ADK: variants seen among roughly 807,000 people sequenced by gnomAD.
ADK encodes N6,N6-dimethyladenosine kinase.
ADK carries 24 observed loss-of-function variants against 44.7 expected under a neutral mutation model. That is an observed-to-expected ratio of 0.54 (90% CI 0.39 to 0.76). The LOEUF (loss-of-function observed/expected upper bound fraction) is 0.76, where lower values mean the gene tolerates loss of function less well. Among genes scored for constraint, ADK ranks in the 30% least tolerant of loss-of-function variants. The pLI is 0.00. For missense variants in ADK, 321 were observed against 425.1 expected (o/e 0.76, Z 2.15); for synonymous variants, 128 against 142.6 (o/e 0.90, Z 0.73).
At chr10:74,454,888 A>G (rs1326014330) in intron 6 of ADK, among the ~76,000 whole-genome samples, 1 of 152,118 alleles carries the variant, frequency 6.6e-6, no homozygotes, top group Non-Finnish European at 1.5e-5. Flanking sequence ...TCCTTTATAG[A>G]GAGGGTACCA....
At chr10:74,369,047 T>C (rs1158677126) in intron 4 of ADK, among the ~76,000 whole-genome samples, 4 of 152,244 alleles carry the variant, frequency 2.6e-5, no homozygotes, top group African/African-American at 9.6e-5. Flanking sequence ...AAGAGTCTAC[T>C]AATTCACTGT....
At chr10:74,327,291 T>C (rs1343839237) in intron 4 of ADK, among the ~76,000 whole-genome samples, 1 of 152,220 alleles carries the variant, frequency 6.6e-6, no homozygotes, top group East Asian at 1.9e-4. Context: ...TTAATTTCCA[T>C]GTATTTGTAG....
Position 74,708,603 on chromosome 10 carries a change from T to C in ADK, c.*158T>C, listed in dbSNP as rs1856688531. 5 of 760,146 alleles carry C rather than the reference T, an allele frequency of 6.6e-6. No homozygotes were observed. The highest frequency in any genetic ancestry group is 1.0e-5 in the Non-Finnish European group (5 of 490,808). The allele number at this position is 760,146 out of a possible 1,614,324, so 47.1% of individuals were successfully genotyped here. ...GGGTACAAGGGTATGGTAATGCTTG[T>C]AGAATCTTTATTATCTCAACAATCT... On this transcript the variant is annotated 3_prime_UTR_variant, in exon 11 of 11. Coordinates refer to ENST00000539909, the MANE Select transcript of ADK (RefSeq NM_006721.4).
intron 2 of ADK, among the ~76,000 whole-genome samples, chr10:74,218,200 G>A (rs1037951606): frequency 6.6e-5 from 10 of 152,310 alleles, no homozygotes; most frequent in Non-Finnish European, 1.0e-4. Context: ...GAAAGCCAAG[G>A]CCCGAGAACT....
intron 4 of ADK, among the ~76,000 whole-genome samples, chr10:74,346,005 G>A (rs751836441): frequency 6.6e-5 from 10 of 151,992 alleles, no homozygotes; most frequent in African/African-American, 9.7e-5. Flanking sequence ...AATGATTCTT[G>A]TGCCTCAGCC....
chr10:74,676,279 G>A lies in ADK; in HGVS notation c.964+6010G>A, dbSNP rs184269685. Among the ~76,000 whole-genome samples, 42 of 152,118 alleles carry A rather than the reference G, an allele frequency of 2.8e-4. 1 individual carries two copies. The highest frequency in any genetic ancestry group is 2.3e-3 in the East Asian group (12 of 5,168). ...CAAATAGCTAGAATTACAGGCATCC[G>A]CCATCACGCCTGGCTAATTTTTGTA... On this transcript the variant is annotated intron_variant, in intron 10 of 10. Coordinates refer to ENST00000539909, the MANE Select transcript of ADK (RefSeq NM_006721.4).
intron 9 of ADK, among the ~76,000 whole-genome samples, chr10:74,635,755 G>C (rs1300271629): frequency 1.3e-5 from 2 of 151,924 alleles, no homozygotes; most frequent in South Asian, 2.1e-4. Flanking sequence ...CTTCCAATTT[G>C]TACTCTTCTC....
intron 6 of ADK, among the ~76,000 whole-genome samples, chr10:74,430,363 C>A (rs1208831571): frequency 2.0e-5 from 3 of 152,186 alleles, no homozygotes; most frequent in Non-Finnish European, 4.4e-5. Context: ...CCACCCACTT[C>A]CCTCTGTTCA....
intron 6 of ADK, among the ~76,000 whole-genome samples, chr10:74,410,635 C>T (rs1844141799): frequency 6.6e-6 from 1 of 152,052 alleles, no homozygotes; most frequent in Admixed American, 6.5e-5. Context: ...GAGCCAAGAT[C>T]GCGCCACTAC....
rs145857313 is a variant in ADK at position 74,352,114 on chromosome 10, C to T, written c.273+37369C>T. Among the ~76,000 whole-genome samples the T allele has an allele frequency of 5.4e-3, 818 of 151,256 alleles. 8 individuals carry two copies. The highest frequency in any genetic ancestry group is 0.018 in the African/African-American group (759 of 41,268). On this transcript the variant is annotated intron_variant, in intron 4 of 10. Transcript: ENST00000539909. Reference sequence around the variant, plus strand: ...TGGAACCAAAAAGGAGCCTGTGTAGCTAAGACAATCCTAAGCAAAAATAAC... The same window carrying T: ...TGGAACCAAAAAGGAGCCTGTGTAGTTAAGACAATCCTAAGCAAAAATAAC...
chr10:74,269,359 C>T (rs1388037649), intron 3 of ADK, among the ~76,000 whole-genome samples: 1 of 152,104 alleles, frequency 6.6e-6, no homozygotes, highest in African/African-American at 2.4e-5. Context: ...CATTATTTGA[C>T]TTATGGCATA....
chr10:74,542,670 T>A (rs1236514378), intron 7 of ADK, among the ~76,000 whole-genome samples: 1 of 152,134 alleles, frequency 6.6e-6, no homozygotes, highest in Non-Finnish European at 1.5e-5. Flanking sequence ...CTACCCTCTA[T>A]AAATAATCTC....
chr10:74,230,175 A>ATT (rs57469461), intron 3 of ADK, among the ~76,000 whole-genome samples: 1 of 149,488 alleles, frequency 6.7e-6, no homozygotes, highest in African/African-American at 2.5e-5. Context: ...TTAAATGCTT[A>ATT]TTTTTTTTTA....
intron 1 of ADK, among the ~76,000 whole-genome samples, chr10:74,165,372 CTAAGTAT>C (rs1458454232): frequency 6.6e-6 from 1 of 151,878 alleles, no homozygotes; most frequent in Non-Finnish European, 1.5e-5. Context: ...GTTACAGCTA[CTAAGTAT>C]CCAAGGTGAG....
chr10:74,655,841 C>T, intron 9 of ADK: 1 of 535,324 alleles, frequency 1.9e-6, no homozygotes, highest in Non-Finnish European at 3.6e-6. Context: ...TGGTACTCAT[C>T]AAGCAGGAGA....
Position 74,659,849 on chromosome 10 carries a change from C to T in ADK, c.878-10334C>T, listed in dbSNP as rs556178900. The stretch of plus-strand genomic sequence containing the variant: ...TTCTCTGGCAGCTGATTAGATGGTG[C>T]CCACCAAGATTAAGGGTGGGTCTGC... On this transcript the variant is annotated intron_variant, in intron 9 of 10. Coordinates refer to ENST00000539909, the MANE Select transcript of ADK (RefSeq NM_006721.4). 3.5e-3 allele frequency among the ~76,000 whole-genome samples: 533 copies of T among 152,120 alleles called. 2 individuals are homozygous for T. Among genetic ancestry groups the T allele is most frequent in the Admixed American group, 8.8e-3 (135 of 15,272 alleles).
At chr10:74,356,002 A>ATCTTGGTT (rs57958159) in intron 4 of ADK, among the ~76,000 whole-genome samples, 2 of 83,310 alleles carry the variant, frequency 2.4e-5, no homozygotes, top group African/African-American at 5.1e-5. Flanking sequence ...TAAATAATTC[A>ATCTTGGTT]TTTTTTTTTT....
chr10:74,278,661 T>C (rs1793718099), intron 3 of ADK, among the ~76,000 whole-genome samples: 1 of 152,158 alleles, frequency 6.6e-6, no homozygotes, highest in Admixed American at 6.5e-5. Context: ...TTCTTTCACT[T>C]TTTTTATTTT....
intron 6 of ADK, among the ~76,000 whole-genome samples, chr10:74,454,781 G>T (rs1845885515): frequency 6.6e-6 from 1 of 152,224 alleles, no homozygotes; most frequent in South Asian, 2.1e-4. Flanking sequence ...ATGGTGAAAT[G>T]ATAGGGTATG....
Sources: allele counts gnomAD v4.1 joint callset (sites outside exome capture counted in the v4.1 genomes callset), GRCh38; gene constraint gnomAD v4.1.1; transcripts MANE v1.5; gene names NCBI Gene and HGNC (gene_info 2026-07-23, HGNC 2026-07-21).